CFAP54: variants seen among roughly 807,000 people sequenced by gnomAD.
The protein encoded by CFAP54 is cilia and flagella associated protein 54, also known as cilia- and flagella-associated protein 54.
Under a neutral mutation model 370.4 loss-of-function variants are expected in CFAP54, and 290 were observed. That is an observed-to-expected ratio of 0.78 (90% CI 0.71 to 0.86). The LOEUF is 0.86. Ranked by LOEUF, CFAP54 falls within the 40% of genes least tolerant of loss-of-function variation. The probability of loss-of-function intolerance (pLI) is 0.00; values close to 1 mark genes in which losing one functional copy is unlikely to be tolerated. For synonymous variants in CFAP54, 1,206 were observed against 1,236.5 expected, an observed-to-expected ratio of 0.98 and a Z score of 0.52; for missense variants, 3,399 against 3,528.7, an observed-to-expected ratio of 0.96 and a Z score of 0.93.
At chr12:96,494,883 C>T (rs1322795012) in intron 1 of CFAP54, among the ~76,000 whole-genome samples, 1 of 152,032 alleles carries the variant, frequency 6.6e-6, no homozygotes, top group African/African-American at 2.4e-5. Flanking sequence ...CAACCTACCA[C>T]GCCCAGCTAA....
chr12:96,654,241 C>A (rs1411617534), intron 36 of CFAP54, among the ~76,000 whole-genome samples: 1 of 152,162 alleles, frequency 6.6e-6, no homozygotes, highest in African/African-American at 2.4e-5. Flanking sequence ...GTGGCTCATG[C>A]CTGTAATCCC....
At chr12:96,675,035 T>C (rs1303330649) in intron 39 of CFAP54, among the ~76,000 whole-genome samples, 2 of 152,072 alleles carry the variant, frequency 1.3e-5, no homozygotes, top group African/African-American at 2.4e-5. Context: ...GGGCAAGGAC[T>C]TCATGTCTAA....
intron 22 of CFAP54, among the ~76,000 whole-genome samples, chr12:96,587,112 G>T (rs999582158): frequency 6.6e-6 from 1 of 152,158 alleles, no homozygotes; most frequent in African/African-American, 2.4e-5. Flanking sequence ...GAGGTTCGGG[G>T]GAGTGGGAGA....
In CFAP54 at chr12:96,756,478, C is replaced by T. The variant is rs773871556; in HGVS notation, c.7861C>T (p.Leu2621=). 1.3e-6 allele frequency: 2 copies of T among 1,599,030 alleles called. No individual in the cohort carries two copies. The highest frequency in any genetic ancestry group is 1.1e-5 in the South Asian group (1 of 88,982). ...TTCAGGCAAAATAGAACGTCAAATA[C>T]TAATGGAAGAGAAATCTCCAAGTTT... ...FQKGKIERQI[L]MEEKSPSFQL... The change falls in exon 57 of 68, where the codon CTA becomes TTA. Residue 2621 remains leucine (L), a synonymous_variant. Coordinates refer to ENST00000524981, the MANE Select transcript of CFAP54 (RefSeq NM_001306084.2).
chr12:96,642,897 A>G (rs1481243543), intron 32 of CFAP54, among the ~76,000 whole-genome samples: 3 of 151,996 alleles, frequency 2.0e-5, no homozygotes, highest in Non-Finnish European at 4.4e-5. Flanking sequence ...AGCATTCTGT[A>G]CCCTCTGTGG....
chr12:96,701,622 A>G (rs1420061848), intron 46 of CFAP54, among the ~76,000 whole-genome samples: 1 of 152,160 alleles, frequency 6.6e-6, no homozygotes, highest in Non-Finnish European at 1.5e-5. Flanking sequence ...GAGAATCTCT[A>G]TAATAAGCAA....
intron 60 of CFAP54, among the ~76,000 whole-genome samples, chr12:96,766,485 T>A (rs1371545306): frequency 6.6e-6 from 1 of 152,156 alleles, no homozygotes. Context: ...TAACACTGTT[T>A]GGCAGCTCAA....
chr12:96,512,351 G>GTATA (rs1955182469), intron 4 of CFAP54, among the ~76,000 whole-genome samples: 1 of 55,418 alleles, frequency 1.8e-5, no homozygotes, highest in African/African-American at 6.2e-5. Flanking sequence ...ATATATATAT[G>GTATA]TATATATTTG....
At chr12:96,665,498 A>G (rs1029131697) in intron 39 of CFAP54, among the ~76,000 whole-genome samples, 6 of 152,164 alleles carry the variant, frequency 3.9e-5, no homozygotes, top group African/African-American at 1.4e-4. Context: ...GTTTATGTAT[A>G]TAGTGTAAGG....
chr12:96,675,032 G>A lies in CFAP54; in HGVS notation c.5564-4568G>A, dbSNP rs1047250060. Among the ~76,000 whole-genome samples the A allele has an allele frequency of 2.6e-5, 4 of 152,044 alleles. No individual in the cohort carries two copies. The South Asian group carries it at 6.2e-4, about 24-fold the overall frequency. On this transcript the variant is annotated intron_variant, in intron 39 of 67. Transcript: ENST00000524981. ...CATTCAGGACATAGGCATGGGCAAG[G>A]ACTTCATGTCTAAAACACCAAAAGC...
Position 96,608,459 on chromosome 12 carries a change from C to CTTTTT in CFAP54, c.3639+9708_3639+9712dup, listed in dbSNP as rs5800258. On this transcript the variant is annotated intron_variant, in intron 26 of 67. Coordinates refer to ENST00000524981, the MANE Select transcript of CFAP54 (RefSeq NM_001306084.2). ...AGCAGAACTTTACAGCATAGTAGGACTTTTTTTTTTTTTTTTTTTTGAGGC... is the reference window on the plus strand; with the variant it reads ...AGCAGAACTTTACAGCATAGTAGGACTTTTTTTTTTTTTTTTTTTTTTTTTGAGGC... Among the ~76,000 whole-genome samples, 19 of 106,962 alleles carry CTTTTT rather than the reference C, an allele frequency of 1.8e-4. 1 individual carries two copies. Among genetic ancestry groups the CTTTTT allele is most frequent in the South Asian group, 3.0e-4 (1 of 3,372 alleles). The allele number at this position is 106,962 out of a possible 152,430, so 70.2% of individuals were successfully genotyped here.
intron 66 of CFAP54, among the ~76,000 whole-genome samples, chr12:96,852,252 A>G (rs1338013757): frequency 6.6e-6 from 1 of 152,112 alleles, no homozygotes. Flanking sequence ...TGCTGTAAGT[A>G]TAGATAAATA....
chr12:96,494,563 A>G (rs1954926934), intron 1 of CFAP54, among the ~76,000 whole-genome samples: 1 of 151,854 alleles, frequency 6.6e-6, no homozygotes, highest in African/African-American at 2.4e-5. Flanking sequence ...AGCCTCCCAA[A>G]GTGCTGGGAT....
chr12:96,831,214 C>T (rs1959170119), intron 66 of CFAP54, among the ~76,000 whole-genome samples: 1 of 152,112 alleles, frequency 6.6e-6, no homozygotes, highest in South Asian at 2.1e-4. Flanking sequence ...TAGCTGTGAA[C>T]CAGCAACAAA....
intron 48 of CFAP54, 116 bp downstream of exon 48, chr12:96,708,919 T>A (rs1288733862): frequency 5.0e-6 from 4 of 795,742 alleles, no homozygotes; most frequent in Middle Eastern, 4.9e-4. Context: ...GTTTTCTCTA[T>A]GCTTATATAA....
chr12:96,583,233 A>G (rs760223019), intron 22 of CFAP54, among the ~76,000 whole-genome samples: 5 of 151,884 alleles, frequency 3.3e-5, no homozygotes, highest in Non-Finnish European at 5.9e-5. Context: ...TGAATTATCT[A>G]TTTTCTGTGG....
Position 96,594,448 on chromosome 12 carries a change from TA to T in CFAP54, c.3516+4del. 6.6e-7 allele frequency: 1 copy of T among 1,516,196 alleles called. No individual in the cohort carries two copies. Among genetic ancestry groups the T allele is most frequent in the Non-Finnish European group, 8.8e-7 (1 of 1,133,104 alleles). The allele number at this position is 1,516,196 out of a possible 1,614,324, so 93.9% of individuals were successfully genotyped here. Reference sequence around the variant, plus strand: ...ATTGTTTTGGTACCTGTTGTACAGGTAAGGGTATTCCTCTCCCCAAGAGAAG... The same window carrying T: ...ATTGTTTTGGTACCTGTTGTACAGGTAGGGTATTCCTCTCCCCAAGAGAAG... On this transcript the variant is annotated splice_donor_region_variant and intron_variant, in intron 25 of 67. Transcript: ENST00000524981.
intron 50 of CFAP54, among the ~76,000 whole-genome samples, chr12:96,734,719 A>G (rs1024899695): frequency 5.3e-5 from 8 of 152,200 alleles, no homozygotes; most frequent in Non-Finnish European, 1.0e-4. Flanking sequence ...TTTTTTAAGT[A>G]GAAAAAAATA....
chr12:96,631,732 TTATA>T (rs1334740369), intron 32 of CFAP54, among the ~76,000 whole-genome samples: 1 of 149,102 alleles, frequency 6.7e-6, no homozygotes, highest in Non-Finnish European at 1.5e-5. Flanking sequence ...ATAATATATA[TTATA>T]TATTGTATAA....
Sources: gnomAD v4.1 joint callset for allele counts (sites outside exome capture counted in the v4.1 genomes callset) on GRCh38, gnomAD v4.1.1 for gene constraint, MANE v1.5 for transcripts, NCBI Gene and HGNC (gene_info 2026-07-23, HGNC 2026-07-21) for gene names.